Variants in IL1RAPL1 observed in about 807,000 individuals in gnomAD.
The protein encoded by IL1RAPL1 is interleukin 1 receptor accessory protein like 1, also known as interleukin-1 receptor accessory protein-like 1.
A neutral mutation model predicts 48.4 loss-of-function variants in IL1RAPL1; 3 were observed. That is an observed-to-expected ratio of 0.06 (90% CI 0.03 to 0.16). The LOEUF (loss-of-function observed/expected upper bound fraction) is 0.16, where lower values mean the gene tolerates loss of function less well. Among genes scored for constraint, IL1RAPL1 ranks in the 10% least tolerant of loss-of-function variants. The probability of loss-of-function intolerance (pLI) is 1.00; values close to 1 mark genes in which losing one functional copy is unlikely to be tolerated. For synonymous variants in IL1RAPL1, 185 were observed against 187.7 expected, an observed-to-expected ratio of 0.99 and a Z score of 0.12; for missense variants, 349 against 530.6, an observed-to-expected ratio of 0.66 and a Z score of 3.36.
chrX:28,628,711 C>A (rs982848203), intron 1 of IL1RAPL1, among the ~76,000 whole-genome samples: 2 of 112,164 alleles, frequency 1.8e-5, no homozygotes, highest in Non-Finnish European at 3.8e-5. Context: ...TGAAACTGCA[C>A]TAAAATTGTG....
At chrX:29,950,289 T>C (rs1206491366) in intron 9 of IL1RAPL1, among the ~76,000 whole-genome samples, 1 of 112,482 alleles carries the variant, frequency 8.9e-6, no homozygotes, top group Non-Finnish European at 1.9e-5. Context: ...ATCCCCTTTT[T>C]GATAAAAACA....
intron 1 of IL1RAPL1, among the ~76,000 whole-genome samples, chrX:28,778,333 C>T (rs1936380282): frequency 8.9e-6 from 1 of 111,734 alleles, no homozygotes; most frequent in African/African-American, 3.3e-5. Context: ...GTTTATCCAA[C>T]TATTCGTTAA....
chrX:29,101,795 G>T (rs1278700719), intron 2 of IL1RAPL1, among the ~76,000 whole-genome samples: 1 of 111,026 alleles, frequency 9.0e-6, no homozygotes, highest in African/African-American at 3.3e-5. Flanking sequence ...AAATGAGCTG[G>T]GTATGGTGGC....
At chrX:29,302,958 G>A (rs1220357442) in intron 3 of IL1RAPL1, among the ~76,000 whole-genome samples, 1 of 112,356 alleles carries the variant, frequency 8.9e-6, no homozygotes, top group East Asian at 2.8e-4. Context: ...GTGAGACAAT[G>A]TAGACATACT....
intron 6 of IL1RAPL1, among the ~76,000 whole-genome samples, chrX:29,905,203 A>C (rs1209331079): frequency 9.5e-6 from 1 of 104,789 alleles, no homozygotes; most frequent in South Asian, 3.9e-4. Flanking sequence ...TCCTTTGCCC[A>C]CTTTTTGATG....
intron 2 of IL1RAPL1, among the ~76,000 whole-genome samples, chrX:29,120,674 TG>T (rs1173249745): frequency 1.8e-5 from 2 of 111,505 alleles, no homozygotes; most frequent in Middle Eastern, 4.6e-3. Flanking sequence ...TTTCTAAAAT[TG>T]TTTCAAATCT....
At chrX:29,576,124 T>G in intron 5 of IL1RAPL1, among the ~76,000 whole-genome samples, 1 of 111,973 alleles carries the variant, frequency 8.9e-6, no homozygotes, top group Admixed American at 9.5e-5. Flanking sequence ...GCTGGTTTTC[T>G]CCAGGTGTGG....
At chrX:29,635,274 G>A (rs1267393045) in intron 5 of IL1RAPL1, among the ~76,000 whole-genome samples, 1 of 111,934 alleles carries the variant, frequency 8.9e-6, no homozygotes, top group Non-Finnish European at 1.9e-5. Flanking sequence ...TCAAGGCATA[G>A]TGGCCAGAAA....
chrX:28,708,921 A>G (rs771498340), intron 1 of IL1RAPL1, among the ~76,000 whole-genome samples: 15 of 111,644 alleles, frequency 1.3e-4, no homozygotes, highest in Non-Finnish European at 2.6e-4. Flanking sequence ...ACAAAAATAT[A>G]TACTACTTGG....
intron 6 of IL1RAPL1, among the ~76,000 whole-genome samples, chrX:29,731,464 G>A (rs1252254443): frequency 8.9e-6 from 1 of 112,260 alleles, no homozygotes; most frequent in African/African-American, 3.2e-5. Flanking sequence ...CTCCTCACCT[G>A]CTCAGGGTCT....
intron 5 of IL1RAPL1, among the ~76,000 whole-genome samples, chrX:29,439,273 T>G (rs751833209): frequency 9.0e-6 from 1 of 111,316 alleles, no homozygotes; most frequent in African/African-American, 3.3e-5. Flanking sequence ...ATATCTAAAT[T>G]TTAGGATTCA....
At chrX:29,936,810 C>T (rs999026586) in intron 8 of IL1RAPL1, among the ~76,000 whole-genome samples, 1 of 111,467 alleles carries the variant, frequency 9.0e-6, no homozygotes, top group Non-Finnish European at 1.9e-5. Flanking sequence ...AGAGATGGCA[C>T]GCACTTTATT....
chrX:28,996,439 T>C (rs1437622585), intron 2 of IL1RAPL1, among the ~76,000 whole-genome samples: 1 of 111,638 alleles, frequency 9.0e-6, no homozygotes, highest in East Asian at 2.8e-4. Flanking sequence ...CAAGTCTTTG[T>C]ATGGGCACTT....
intron 2 of IL1RAPL1, among the ~76,000 whole-genome samples, chrX:28,854,601 T>C (rs1921756039): frequency 1.8e-5 from 2 of 111,252 alleles, no homozygotes; most frequent in East Asian, 2.8e-4. Flanking sequence ...GTAAAATCAC[T>C]GGAATGCATG....
At chrX:28,683,720 C>T (rs952282580) in intron 1 of IL1RAPL1, among the ~76,000 whole-genome samples, 1 of 112,453 alleles carries the variant, frequency 8.9e-6, no homozygotes, top group Non-Finnish European at 1.9e-5. Flanking sequence ...GGTAGGGTTG[C>T]ATTATTTTCT....
chrX:29,884,798 C>T (rs1274865745), intron 6 of IL1RAPL1, among the ~76,000 whole-genome samples: 1 of 111,479 alleles, frequency 9.0e-6, no homozygotes, highest in Non-Finnish European at 1.9e-5. Context: ...TTGCTGAGGC[C>T]AGAATCTTAG....
chrX:29,170,711 C>G (rs759008913), intron 2 of IL1RAPL1, among the ~76,000 whole-genome samples: 197 of 111,449 alleles, frequency 1.8e-3, no homozygotes, highest in African/African-American at 5.5e-3. Flanking sequence ...CATAACATTC[C>G]AACCCCTCGA....
At chrX:28,937,428 C>T (rs748952681) in intron 2 of IL1RAPL1, among the ~76,000 whole-genome samples, 1 of 111,073 alleles carries the variant, frequency 9.0e-6, no homozygotes, top group Non-Finnish European at 1.9e-5. Context: ...GTCAAGAACA[C>T]AAAGTGTGGT....
chrX:29,147,790 AAT>A lies in IL1RAPL1; in HGVS notation c.83-135146_83-135145del, dbSNP rs773476783. 3.7e-4 allele frequency among the ~76,000 whole-genome samples: 42 copies of A among 112,354 alleles called. No homozygotes were observed. In the South Asian group the frequency reaches 4.4e-3, roughly 12 times the overall value. On this transcript the variant is annotated intron_variant, in intron 2 of 10. Coordinates refer to ENST00000378993, the MANE Select transcript of IL1RAPL1 (RefSeq NM_014271.4). ...TTTACTAATCATACGAACTTAGAAA[AAT>A]AGATATTAAATATTACTGATAAATA...
Sources: gnomAD v4.1 joint callset for allele counts (sites outside exome capture counted in the v4.1 genomes callset) on GRCh38, gnomAD v4.1.1 for gene constraint, MANE v1.5 for transcripts, NCBI Gene and HGNC (gene_info 2026-07-23, HGNC 2026-07-21) for gene names.